Variants in CELF2 observed in about 807,000 individuals in gnomAD.
The protein encoded by CELF2 is CUG triplet repeat RNA-binding protein 2.
Under a neutral mutation model 62.6 loss-of-function variants are expected in CELF2, and 8 were observed. The ratio of observed to expected loss-of-function variants is 0.13; its 90% confidence interval spans 0.07 to 0.23. The LOEUF (loss-of-function observed/expected upper bound fraction) is 0.23, where lower values mean the gene tolerates loss of function less well. CELF2 is among the 10% of genes least tolerant of loss of function. CELF2 has a pLI of 1.00. For missense variants in CELF2, 333 were observed against 671.0 expected, an observed-to-expected ratio of 0.50 and a Z score of 5.56; for synonymous variants, 258 against 250.0, an observed-to-expected ratio of 1.03 and a Z score of -0.30.
intron 1 of CELF2, among the ~76,000 whole-genome samples, chr10:11,151,526 A>G (rs78309024): frequency 0.059 from 9,028 of 152,052 alleles, 321 homozygotes; most frequent in African/African-American, 0.1. Context: ...TGAACTCTGG[A>G]CTCTACCATC....
At chr10:10,531,593 G>A in the CELF2 span, among the ~76,000 whole-genome samples, 10 of 152,118 alleles carry the variant, frequency 6.6e-5, no homozygotes, top group South Asian at 2.1e-4. Flanking sequence ...ACACTGAGCC[G>A]CTCTACCCAG....
intron 1 of CELF2, among the ~76,000 whole-genome samples, chr10:10,905,693 C>T (rs760712935): frequency 1.3e-4 from 20 of 151,788 alleles, no homozygotes; most frequent in East Asian, 1.9e-4. Context: ...CTGGCTAACA[C>T]GGTGGAACCC....
At chr10:10,600,123 G>A in the CELF2 span, among the ~76,000 whole-genome samples, 9 of 152,318 alleles carry the variant, frequency 5.9e-5, no homozygotes, top group South Asian at 1.7e-3. Flanking sequence ...TAGGGTGGGA[G>A]CTAATGAACA....
rs144350167 is a variant in CELF2 at position 10,805,111 on chromosome 10, T to G, written c.53+6294T>G. ...TGCTAAGTGCTTTTCATGTAATGTC[T>G]CATTTTATCTTTGTAATAGCCCTGT... On this transcript the variant is annotated intron_variant, in intron 1 of 13. Coordinates refer to the CELF2 transcript ENST00000636488. Among the ~76,000 whole-genome samples, 284 of 152,350 alleles carry G rather than the reference T, an allele frequency of 1.9e-3. 2 individuals carry two copies. Among genetic ancestry groups the G allele is most frequent in the South Asian group, 0.013 (63 of 4,830 alleles).
chr10:10,728,452 CAAA>C, the CELF2 span, among the ~76,000 whole-genome samples: 30 of 81,428 alleles, frequency 3.7e-4, 1 homozygote, highest in South Asian at 2.6e-3. Flanking sequence ...GACTCTGTTT[CAAA>C]AAAAAAAAAA....
intron 1 of CELF2, among the ~76,000 whole-genome samples, chr10:10,878,332 T>C (rs1348135277): frequency 6.6e-6 from 1 of 152,158 alleles, no homozygotes; most frequent in African/African-American, 2.4e-5. Flanking sequence ...CAACCTCAGA[T>C]GGGAAAAAAC....
the CELF2 span, among the ~76,000 whole-genome samples, chr10:10,559,510 G>T: frequency 6.6e-6 from 1 of 152,184 alleles, no homozygotes; most frequent in Non-Finnish European, 1.5e-5. Flanking sequence ...TTTTAATCAT[G>T]TATGTATGGG....
At chr10:11,119,512 T>G (rs1465648601) in intron 1 of CELF2, among the ~76,000 whole-genome samples, 1 of 152,250 alleles carries the variant, frequency 6.6e-6, no homozygotes, top group East Asian at 1.9e-4. Flanking sequence ...TACCCATTAA[T>G]AACTTATTTA....
At chr10:11,168,581 T>C (rs1340564694) in intron 2 of CELF2, among the ~76,000 whole-genome samples, 3 of 152,230 alleles carry the variant, frequency 2.0e-5, no homozygotes, top group Non-Finnish European at 2.9e-5. Context: ...ACAGGGCTGA[T>C]ATCAGAGCCT....
chr10:11,307,629 G>A (rs9888023), intron 9 of CELF2, among the ~76,000 whole-genome samples: 70,568 of 151,902 alleles, frequency 0.46, 16,943 homozygotes, highest in East Asian at 0.75. Flanking sequence ...TTCTTCCTCC[G>A]TTTAAATACA....
intron 1 of CELF2, among the ~76,000 whole-genome samples, chr10:11,144,885 C>G (rs1326281675): frequency 7.8e-6 from 1 of 127,838 alleles, no homozygotes; most frequent in Admixed American, 9.8e-5. Flanking sequence ...GAGGGAGACC[C>G]TGTCTCAGGA....
chr10:10,997,320 G>T lies in CELF2; in HGVS notation c.89+77321G>T, dbSNP rs556450208. On this transcript the variant is annotated intron_variant, in intron 2 of 13. Transcript: ENST00000636488. The surrounding 1 kb of genome is among the most constrained non-coding windows in gnomAD (Gnocchi z 5.3). ...CCATCTCTGAAAAAGTATAAAAAAT[G>T]AAAAAGAGCTATGGATGTGTTATGA... Among the ~76,000 whole-genome samples the T allele has an allele frequency of 6.6e-5, 10 of 152,268 alleles. No individual in the cohort carries two copies. The highest frequency in any genetic ancestry group is 1.9e-4 in the East Asian group (1 of 5,190).
In CELF2 at chr10:11,174,410, T is replaced by C. The variant is rs1345463836; in HGVS notation, c.271+8728T>C. ...ACACTGCAGGAATTGGTATTTTGGATCAGTATTCTTTTCATTCTCTATGTA... is the reference window on the plus strand; with the variant it reads ...ACACTGCAGGAATTGGTATTTTGGACCAGTATTCTTTTCATTCTCTATGTA... On this transcript the variant is annotated intron_variant, in intron 2 of 12. Coordinates refer to ENST00000633077, the MANE Select transcript of CELF2 (RefSeq NM_001326342.2). Among the ~76,000 whole-genome samples, 4 of 152,316 alleles carry C rather than the reference T, an allele frequency of 2.6e-5. No homozygotes were observed. The East Asian group carries it at 7.7e-4, about 29-fold the overall frequency.
chr10:10,505,159 C>T, the CELF2 span, among the ~76,000 whole-genome samples: 1 of 152,088 alleles, frequency 6.6e-6, no homozygotes, highest in Non-Finnish European at 1.5e-5. Flanking sequence ...TAATTAATCA[C>T]AACTTTGGTT....
chr10:10,847,205 C>CAT (rs113383376), intron 1 of CELF2, among the ~76,000 whole-genome samples: 668 of 149,226 alleles, frequency 4.5e-3, no homozygotes, highest in African/African-American at 0.014. Context: ...TATATATACG[C>CAT]ATATATATAT....
At chr10:10,538,267 G>T in the CELF2 span, among the ~76,000 whole-genome samples, 1 of 152,232 alleles carries the variant, frequency 6.6e-6, no homozygotes, top group Non-Finnish European at 1.5e-5. Flanking sequence ...GCCTCCCTCT[G>T]GTCTGCCAGC....
chr10:10,584,685 G>A, the CELF2 span, among the ~76,000 whole-genome samples: 1 of 152,140 alleles, frequency 6.6e-6, no homozygotes, highest in African/African-American at 2.4e-5. Flanking sequence ...ATTCTTGTAA[G>A]GAGAGCATTG....
the CELF2 span, among the ~76,000 whole-genome samples, chr10:10,778,083 A>G: frequency 2.6e-5 from 4 of 152,188 alleles, no homozygotes; most frequent in Non-Finnish European, 4.4e-5. Flanking sequence ...CCTGCACCCC[A>G]TATTTTGGAA....
chr10:11,024,122 G>A (rs796730597), intron 1 of CELF2, among the ~76,000 whole-genome samples: 9 of 152,268 alleles, frequency 5.9e-5, no homozygotes, highest in African/African-American at 2.2e-4. Flanking sequence ...ATCAGGTTAT[G>A]TGGCCTTTTA....
Sources: allele counts gnomAD v4.1 joint callset (sites outside exome capture counted in the v4.1 genomes callset), GRCh38; gene constraint gnomAD v4.1.1; non-coding constraint Gnocchi (gnomAD v3.1); transcripts MANE v1.5; gene names NCBI Gene and HGNC (gene_info 2026-07-23, HGNC 2026-07-21).